The following NRG3 variants were observed in gnomAD, a reference collection of about 807,000 sequenced individuals.
The protein encoded by NRG3 is neuregulin 3, also known as pro-neuregulin-3, membrane-bound isoform.
A neutral mutation model predicts 66.9 loss-of-function variants in NRG3; 31 were observed. That is an observed-to-expected ratio of 0.46 (90% CI 0.35 to 0.63). The LOEUF (loss-of-function observed/expected upper bound fraction) is 0.63. Among genes scored for constraint, NRG3 ranks in the 20% least tolerant of loss-of-function variants. The probability of loss-of-function intolerance (pLI) is 0.00; values close to 1 mark genes in which losing one functional copy is unlikely to be tolerated. For synonymous variants in NRG3, 393 were observed against 359.4 expected (o/e 1.09, Z -1.06); for missense variants, 910 against 878.9 (o/e 1.04, Z -0.45).
chr10:82,296,148 G>A (rs1267467864), intron 1 of NRG3, among the ~76,000 whole-genome samples: 2 of 152,182 alleles, frequency 1.3e-5, no homozygotes, highest in Admixed American at 6.5e-5. Context: ...AATATGACAC[G>A]TGAAGCAGTC....
At chr10:82,729,644 A>G (rs750261572) in intron 2 of NRG3, among the ~76,000 whole-genome samples, 9 of 152,202 alleles carry the variant, frequency 5.9e-5, no homozygotes, top group Non-Finnish European at 1.3e-4. Context: ...AGAAATCTCT[A>G]TAAAGACCAA....
intron 3 of NRG3, among the ~76,000 whole-genome samples, chr10:82,768,220 T>C (rs2059588943): frequency 1.3e-5 from 2 of 152,166 alleles, no homozygotes; most frequent in Admixed American, 1.3e-4. Flanking sequence ...TTCTTTCACT[T>C]TCACGTGTAC....
chr10:82,321,391 CGTTG>C (rs2081572879), intron 1 of NRG3, among the ~76,000 whole-genome samples: 1 of 152,130 alleles, frequency 6.6e-6, no homozygotes, highest in Non-Finnish European at 1.5e-5. Context: ...CCAAAACCTG[CGTTG>C]AGCACCTTAA....
chr10:82,462,132 A>AAAAT lies in NRG3; in HGVS notation c.953+103285_953+103288dup, dbSNP rs578150018. Among the ~76,000 whole-genome samples, 603 of 152,142 alleles carry AAAAT rather than the reference A, an allele frequency of 4.0e-3. 7 individuals carry two copies. The highest frequency in any genetic ancestry group is 0.013 in the African/African-American group (550 of 41,500). On this transcript the variant is annotated intron_variant, in intron 2 of 8. Transcript: ENST00000372141. ...GACAACAAGAGTGAAACTCCATCTC[A>AAAAT]AAATAAATAAATAAATAAATAAATC...
intron 1 of NRG3, among the ~76,000 whole-genome samples, chr10:81,964,395 C>CAAAAA (rs58231167): frequency 9.1e-5 from 6 of 65,830 alleles, no homozygotes; most frequent in Admixed American, 1.7e-4. Flanking sequence ...GACTCTGTCT[C>CAAAAA]AAAAAAAAAA....
At chr10:81,965,981 C>T (rs1186455053) in intron 1 of NRG3, among the ~76,000 whole-genome samples, 1 of 151,882 alleles carries the variant, frequency 6.6e-6, no homozygotes, top group African/African-American at 2.4e-5. Flanking sequence ...AATGGAAATG[C>T]TGACTTTTTT....
chr10:82,753,692 C>A (rs1046727162), intron 3 of NRG3, among the ~76,000 whole-genome samples: 2 of 151,766 alleles, frequency 1.3e-5, no homozygotes, highest in African/African-American at 4.8e-5. Flanking sequence ...CTCACACCTG[C>A]AATCCCAGCA....
intron 1 of NRG3, among the ~76,000 whole-genome samples, chr10:82,280,892 G>A (rs1235349422): frequency 6.6e-6 from 1 of 152,190 alleles, no homozygotes; most frequent in Admixed American, 6.5e-5. Context: ...TGCCAGCATG[G>A]CCACCCAGAG....
rs181233849 is a variant in NRG3, at chr10:82,105,651, T to G, written c.823+229488T>G. On this transcript the variant is annotated intron_variant, in intron 1 of 8. Transcript: ENST00000372141. ...CATCCTCTGAATGATTTGAGGCATC[T>G]GTAATGAATACATACACTATCTGTC... 3.0e-4 allele frequency among the ~76,000 whole-genome samples: 45 copies of G among 152,328 alleles called. No homozygotes were observed. The East Asian group carries it at 8.5e-3, about 29-fold the overall frequency.
chr10:82,585,552 A>C (rs551113507), intron 2 of NRG3, among the ~76,000 whole-genome samples: 31 of 152,256 alleles, frequency 2.0e-4, no homozygotes, highest in Non-Finnish European at 3.2e-4. Context: ...CTCCGGCTAC[A>C]CAGTAGTTAC....
At chr10:82,368,152 T>A (rs1318441573) in intron 2 of NRG3, among the ~76,000 whole-genome samples, 1 of 107,048 alleles carries the variant, frequency 9.3e-6, no homozygotes, top group Non-Finnish European at 1.7e-5. Flanking sequence ...TGGTATTGAG[T>A]AAACACAGGG....
At chr10:82,214,261 C>T (rs999856213) in intron 1 of NRG3, among the ~76,000 whole-genome samples, 6 of 152,024 alleles carry the variant, frequency 3.9e-5, no homozygotes. Context: ...CAAGCCTCCC[C>T]TGAAAGCTGA....
intron 2 of NRG3, among the ~76,000 whole-genome samples, chr10:82,581,506 A>G (rs925114007): frequency 6.6e-6 from 1 of 152,032 alleles, no homozygotes; most frequent in Non-Finnish European, 1.5e-5. Flanking sequence ...TACTTCATAT[A>G]AAATTAATTG....
At chr10:82,543,862 G>A (rs2043715719) in intron 2 of NRG3, among the ~76,000 whole-genome samples, 1 of 152,138 alleles carries the variant, frequency 6.6e-6, no homozygotes, top group South Asian at 2.1e-4. Flanking sequence ...TGGCTTAGGG[G>A]GATAAGCTTC....
At chr10:82,206,687 T>C (rs1373895348) in intron 1 of NRG3, among the ~76,000 whole-genome samples, 1 of 152,204 alleles carries the variant, frequency 6.6e-6, no homozygotes, top group Non-Finnish European at 1.5e-5. Flanking sequence ...AATGTATACC[T>C]GTATCTTGTA....
At chr10:82,561,001 T>C (rs1428779449) in intron 2 of NRG3, among the ~76,000 whole-genome samples, 6 of 152,168 alleles carry the variant, frequency 3.9e-5, no homozygotes, top group Non-Finnish European at 8.8e-5. Flanking sequence ...ATTTCTAATA[T>C]ACCAATATTC....
rs143735812 is a variant in NRG3 at position 81,993,349 on chromosome 10, G to A, written c.823+117186G>A. Among the ~76,000 whole-genome samples, 51 of 151,934 alleles carry A rather than the reference G, an allele frequency of 3.4e-4. 1 individual carries two copies. The East Asian group carries it at 7.9e-3, about 24-fold the overall frequency. ...GTAGCTGAGATGTGAGTTGTTTTTT[G>A]TTTTATTTTCTTTTTGAGACAGGGT... On this transcript the variant is annotated intron_variant, in intron 1 of 8. Transcript: ENST00000372141.
chr10:81,979,079 C>T (rs982008082), intron 1 of NRG3, among the ~76,000 whole-genome samples: 2 of 150,712 alleles, frequency 1.3e-5, no homozygotes, highest in Non-Finnish European at 2.9e-5. Flanking sequence ...GTCCCAGCTA[C>T]TTGGGAGGCT....
chr10:82,334,445 G>C (rs977450761), intron 1 of NRG3, among the ~76,000 whole-genome samples: 3 of 152,196 alleles, frequency 2.0e-5, no homozygotes, highest in Non-Finnish European at 4.4e-5. Context: ...CTGTGTCTTT[G>C]AGGGCAGATA....
Sources: allele counts gnomAD v4.1 joint callset (sites outside exome capture counted in the v4.1 genomes callset), GRCh38; gene constraint gnomAD v4.1.1; transcripts MANE v1.5; gene names NCBI Gene and HGNC (gene_info 2026-07-23, HGNC 2026-07-21).